The following KCP variants were observed in gnomAD, a reference collection of about 807,000 sequenced individuals.
KCP encodes the protein kielin/chordin-like protein.
KCP carries 194 observed loss-of-function variants against 212.7 expected under a neutral mutation model. The observed-to-expected ratio is 0.91, with a 90% CI of 0.81 to 1.03. KCP has a LOEUF of 1.03. Among genes scored for constraint, KCP ranks in the 50% least tolerant of loss-of-function variants. The pLI is 0.00. For synonymous variants in KCP, 833 were observed against 865.3 expected (o/e 0.96, Z 0.65); for missense variants, 2,080 against 2,162.5 (o/e 0.96, Z 0.76).
At chr7:128,879,455 T>C in intron 37 of KCP, 67 bp downstream of exon 37, 1 of 1,371,490 alleles carries the variant, frequency 7.3e-7, no homozygotes. Flanking sequence ...CCTCTACAGA[T>C]ACAGAGGCCT....
Position 128,877,016 on chromosome 7 carries a change from T to C in KCP, c.*27A>G, listed in dbSNP as rs1368182658. 3.3e-6 allele frequency: 5 copies of C among 1,535,838 alleles called. No individual in the cohort carries two copies. The highest frequency in any genetic ancestry group is 4.4e-6 in the Non-Finnish European group (5 of 1,143,022). On this transcript the variant is annotated 3_prime_UTR_variant, in exon 40 of 40. Transcript: ENST00000610776. ...CGCCAAGGGGAGACTCCTGGCCTGA[T>C]GAACCCTTATCAGGCACTGTCCTGG...
chr7:128,890,186 T>G, intron 21 of KCP, 157 bp downstream of exon 21: 1 of 1,402,552 alleles, frequency 7.1e-7, no homozygotes. Flanking sequence ...TCCCAAATTG[T>G]CGGGGTCACA....
intron 5 of KCP, among the ~76,000 whole-genome samples, chr7:128,905,585 C>T (rs1795083093): frequency 6.6e-6 from 1 of 152,216 alleles, no homozygotes. Flanking sequence ...ACTGCTGTCA[C>T]AGCCCCGACG....
chr7:128,901,147 T>C (rs1794819613), intron 8 of KCP, among the ~76,000 whole-genome samples: 1 of 152,200 alleles, frequency 6.6e-6, no homozygotes, highest in South Asian at 2.1e-4. Context: ...ACCAGGGCCA[T>C]GATAGTTTAC....
chr7:128,910,233 C>T (rs1228193484), intron 1 of KCP, among the ~76,000 whole-genome samples: 1 of 152,204 alleles, frequency 6.6e-6, no homozygotes, highest in Non-Finnish European at 1.5e-5. Flanking sequence ...CCTCCATTCC[C>T]GCCTGTCCTG....
At chr7:128,879,867 G>C (rs1162927370) in intron 35 of KCP, 38 bp from the exon 36 acceptor site, 2 of 1,551,044 alleles carry the variant, frequency 1.3e-6, no homozygotes, top group East Asian at 2.4e-5. Context: ...ATGGTCAGCA[G>C]GGCTGGGTGT....
In KCP at chr7:128,880,461, G is replaced by C. The variant is rs528379010; in HGVS notation, c.3684C>G (p.Thr1228=). 6.5e-7 allele frequency: 1 copy of C among 1,547,356 alleles called. No homozygotes were observed. Among genetic ancestry groups the C allele is most frequent in the Non-Finnish European group, 8.7e-7 (1 of 1,145,172 alleles). ...VASGERWTVD[T]CTSCSCMAGT... ...CCGCCATGCAGGAGCAGCTGGTGCA[G>C]GTGTCCACAGTCCAGCGCTCTCCAG... Residue 1228 remains threonine, a synonymous_variant, in exon 34 of 40, where the codon ACC becomes ACG. Coordinates refer to ENST00000610776, the MANE Select transcript of KCP (RefSeq NM_001366122.1).
intron 8 of KCP, among the ~76,000 whole-genome samples, chr7:128,897,678 G>T (rs1367279314): frequency 1.3e-5 from 2 of 151,882 alleles, no homozygotes; most frequent in African/African-American, 4.8e-5. Flanking sequence ...TCAGATATTA[G>T]GTTTGCTAAA....
chr7:128,896,889 C>CAAAAAA (rs35522047), intron 8 of KCP, among the ~76,000 whole-genome samples: 2 of 58,084 alleles, frequency 3.4e-5, no homozygotes, highest in Admixed American at 2.1e-4. Flanking sequence ...GACTCCATCT[C>CAAAAAA]AAAAAAAAAA....
At chr7:128,901,369 G>A (rs1309733762) in intron 8 of KCP, among the ~76,000 whole-genome samples, 1 of 152,238 alleles carries the variant, frequency 6.6e-6, no homozygotes, top group African/African-American at 2.4e-5. Flanking sequence ...GCTCACGCCT[G>A]TAATCCCAGC....
rs778126600 is a variant in KCP, at chr7:128,890,423, C to T, written c.2255G>A (p.Ser752Asn). 2 of 1,551,110 alleles carry T rather than the reference C, an allele frequency of 1.3e-6. No individual in the cohort carries two copies. The highest frequency in any genetic ancestry group is 2.7e-5 in the African/African-American group (2 of 73,058). ...ACHLCLCWEG[S>N]VSCEPKACAP... Reference sequence around the variant, plus strand: ...ACATGCCTTGGGCTCGCAGCTCACGCTGCCCTCCCAGCAAAGGCAGAGGTG... The same window carrying T: ...ACATGCCTTGGGCTCGCAGCTCACGTTGCCCTCCCAGCAAAGGCAGAGGTG... The change falls in exon 21 of 40, where the codon AGC (serine) becomes AAC (asparagine). Residue 752 changes from serine to asparagine, a missense_variant. Physicochemically the swap from Ser to Asn is conservative, Grantham distance 46. Coordinates refer to ENST00000610776, the MANE Select transcript of KCP (RefSeq NM_001366122.1).
At chr7:128,883,043 C>T (rs564947335) in intron 29 of KCP, among the ~76,000 whole-genome samples, 6 of 151,574 alleles carry the variant, frequency 4.0e-5, no homozygotes, top group Non-Finnish European at 4.4e-5. Flanking sequence ...CCAGCCTGTG[C>T]GACAAAGCGA....
At chr7:128,903,321 G>A (rs1794957182) in intron 7 of KCP, 2 of 280,126 alleles carry the variant, frequency 7.1e-6, no homozygotes, top group East Asian at 1.7e-4. Flanking sequence ...GCCCAGGCTG[G>A]ATTCGGTCTC....
chr7:128,884,733 CT>C lies in KCP; in HGVS notation c.3123+47del, dbSNP rs765972792. 47 of 1,519,896 alleles carry C rather than the reference CT, an allele frequency of 3.1e-5. No homozygotes were observed. The Middle Eastern group carries it at 5.1e-4, about 17-fold the overall frequency. 94.2% of individuals were successfully genotyped at this position (1,519,896 alleles called of 1,614,324 possible). A position where few individuals can be genotyped will look rare whatever the true frequency, so the allele number is the denominator to read the frequency against. On this transcript the variant is annotated intron_variant, in intron 28 of 39. Transcript: ENST00000610776. ...GCTGGGCCTCATCCCATGCTGCCCACTCCCCCCCGACGAGGTGCCCCAGCCC... is the reference window on the plus strand; with the variant it reads ...GCTGGGCCTCATCCCATGCTGCCCACCCCCCCCGACGAGGTGCCCCAGCCC...
intron 22 of KCP, among the ~76,000 whole-genome samples, chr7:128,887,958 CACAT>C (rs1173074682): frequency 6.7e-6 from 1 of 149,876 alleles, no homozygotes; most frequent in East Asian, 2.0e-4. Context: ...CACACATCCC[CACAT>C]ACACAGATGC....
chr7:128,902,769 G>A lies in KCP; in HGVS notation c.831+8C>T, dbSNP rs1274448441. On this transcript the variant is annotated splice_region_variant and intron_variant, in intron 8 of 39. Transcript: ENST00000610776. ...GGGGGACAGACCAGGAGCAGCCTCA[G>A]GACTCACCAGGCACCGGCAGATTCG... 1.3e-6 allele frequency: 2 copies of A among 1,551,126 alleles called. No individual in the cohort carries two copies. The highest frequency in any genetic ancestry group is 1.7e-4 in the Middle Eastern group (1 of 6,014).
intron 8 of KCP, among the ~76,000 whole-genome samples, chr7:128,898,015 G>T (rs1276361348): frequency 6.6e-6 from 1 of 151,970 alleles, no homozygotes; most frequent in African/African-American, 2.4e-5. Context: ...TTTAAAGGTT[G>T]TTAGGCCTCC....
Position 128,887,284 on chromosome 7 carries a change from G to A in KCP, c.2529C>T (p.Gly843=), listed in dbSNP as rs1168762030. ...CPTCQGCRYH[G]VTTASGETLP... ...GGGTCTCTCCGGAGGCAGTAGTGACGCCATGGTAGCGGCATCCTGGCAGAG... is the reference window on the plus strand; with the variant it reads ...GGGTCTCTCCGGAGGCAGTAGTGACACCATGGTAGCGGCATCCTGGCAGAG... Residue 843 remains glycine, a synonymous_variant, in exon 23 of 40, where the codon GGC becomes GGT. Coordinates refer to ENST00000610776, the MANE Select transcript of KCP (RefSeq NM_001366122.1). 7.7e-6 allele frequency: 12 copies of A among 1,551,160 alleles called. No individual in the cohort carries two copies. The highest frequency in any genetic ancestry group is 4.9e-5 in the East Asian group (2 of 40,940).
chr7:128,890,930 CT>C lies in KCP; in HGVS notation c.2138del (p.Gln713ArgfsTer41). 2 of 1,246,570 alleles carry C rather than the reference CT, an allele frequency of 1.6e-6. No homozygotes were observed. The highest frequency in any genetic ancestry group is 2.0e-6 in the Non-Finnish European group (2 of 1,000,172). The allele number at this position is 1,246,570 out of a possible 1,614,324, so 77.2% of individuals were successfully genotyped here. ...CGTCGCAGGAGGGGCAGCAAGGCCC[CT>C]GGCGCGGGTGCGCGCAGGGCGCGGG... The part of the protein sequence containing the change: ...CPPAPCAHPR[Q>X]GPCCPSCDGC... On this transcript the variant is annotated frameshift_variant, in exon 20 of 40. Coordinates refer to ENST00000610776, the MANE Select transcript of KCP (RefSeq NM_001366122.1). LOFTEE classifies it high-confidence loss of function.
Sources: gnomAD v4.1 joint callset for allele counts (sites outside exome capture counted in the v4.1 genomes callset) on GRCh38, gnomAD v4.1.1 for gene constraint, MANE v1.5 for transcripts, NCBI Gene and HGNC (gene_info 2026-07-23, HGNC 2026-07-21) for gene names.